Variants in HELZ observed in about 807,000 individuals in gnomAD.
The protein encoded by HELZ is helicase with zinc finger.
In HELZ, 23 loss-of-function variants were observed where a neutral mutation model predicts 218.2. The ratio of observed to expected loss-of-function variants is 0.11; its 90% CI spans 0.08 to 0.15. The LOEUF (loss-of-function observed/expected upper bound fraction) is 0.15, where lower values mean the gene tolerates loss of function less well. Among genes scored for constraint, HELZ ranks in the 10% least tolerant of loss-of-function variants. The probability of loss-of-function intolerance (pLI) is 1.00; values close to 1 mark genes in which losing one functional copy is unlikely to be tolerated. For synonymous variants in HELZ, 814 were observed against 829.4 expected (o/e 0.98, Z 0.32); for missense variants, 1,813 against 2,353.7 (o/e 0.77, Z 4.75).
chr17:67,214,720 G>A (rs533242268), intron 5 of HELZ, among the ~76,000 whole-genome samples: 3 of 151,932 alleles, frequency 2.0e-5, no homozygotes, highest in East Asian at 1.9e-4. Flanking sequence ...TCCACCAAAC[G>A]TGTGTGAGAA....
chr17:67,216,264 C>T (rs1041944484), intron 4 of HELZ, among the ~76,000 whole-genome samples: 5 of 152,176 alleles, frequency 3.3e-5, no homozygotes, highest in Non-Finnish European at 7.3e-5. Context: ...GTCACCACCA[C>T]GTCTCCCCAC....
chr17:67,161,023 A>G lies in HELZ; in HGVS notation c.1949T>C (p.Val650Ala). The G allele has an allele frequency of 1.2e-6, 2 of 1,613,402 alleles. No homozygotes were observed. Reference protein sequence around the residue: ...PRLNAKQKEAVLAITTPLAIQ... With the variant: ...PRLNAKQKEAALAITTPLAIQ... ...TGCAAGTGGAGTGGTAATGGCCAGA[A>G]CAGCCTCTTTCTGTTTTGCATTTAG... Residue 650 changes from valine to alanine, a missense_variant, in exon 16 of 33, where the codon GTT becomes GCT. Coordinates refer to ENST00000358691, the MANE Select transcript of HELZ (RefSeq NM_014877.4).
rs914421394 is a variant in HELZ, at chr17:67,189,761, A to G, written c.757-65T>C. The G allele has an allele frequency of 5.8e-6, 6 of 1,042,248 alleles. No homozygotes were observed. The African/African-American group carries it at 6.3e-5, about 11-fold the overall frequency. 64.6% of individuals were successfully genotyped at this position (1,042,248 alleles called of 1,614,324 possible). ...AAGGGCACAAACAAAATCTTTTAGC[A>G]TGGAAAATAAATGTCAACAGTTAAG... is the stretch of plus-strand genomic sequence containing the variant. On this transcript the variant is annotated intron_variant, in intron 10 of 32. Coordinates refer to ENST00000358691, the MANE Select transcript of HELZ (RefSeq NM_014877.4).
intron 2 of HELZ, among the ~76,000 whole-genome samples, chr17:67,241,641 T>A (rs575240379): frequency 1.3e-5 from 2 of 152,228 alleles, no homozygotes; most frequent in African/African-American, 4.8e-5. Flanking sequence ...TTTAAGACAA[T>A]GCATTTTAAT....
chr17:67,232,876 G>A (rs941453109), intron 3 of HELZ, among the ~76,000 whole-genome samples: 2 of 152,206 alleles, frequency 1.3e-5, no homozygotes, highest in African/African-American at 4.8e-5. Flanking sequence ...GCTCACGCCT[G>A]TAATCCCAGC....
chr17:67,187,936 T>C (rs1019004969), intron 12 of HELZ, among the ~76,000 whole-genome samples: 4 of 152,154 alleles, frequency 2.6e-5, no homozygotes, highest in African/African-American at 9.7e-5. Context: ...AACTAGTCAA[T>C]AGGACATGAA....
intron 15 of HELZ, among the ~76,000 whole-genome samples, chr17:67,164,631 A>G (rs1415953773): frequency 6.6e-6 from 1 of 150,530 alleles, no homozygotes. Flanking sequence ...CTTTTTAAAA[A>G]GAATAACATA....
intron 26 of HELZ, among the ~76,000 whole-genome samples, chr17:67,122,495 A>T (rs1027228493): frequency 1.3e-5 from 2 of 151,992 alleles, no homozygotes; most frequent in Admixed American, 6.6e-5. Context: ...GCAGTGAGCC[A>T]AGATCACGCC....
At chr17:67,194,843 T>C (rs996721277) in intron 8 of HELZ, among the ~76,000 whole-genome samples, 13 of 152,232 alleles carry the variant, frequency 8.5e-5, no homozygotes, top group Non-Finnish European at 1.9e-4. Flanking sequence ...ATCTCTATAC[T>C]AGCTGTGTGA....
At chr17:67,194,492 T>C (rs1329249128) in intron 8 of HELZ, among the ~76,000 whole-genome samples, 1 of 152,238 alleles carries the variant, frequency 6.6e-6, no homozygotes, top group Non-Finnish European at 1.5e-5. Flanking sequence ...TATCACATTA[T>C]CACCCATGTT....
chr17:67,155,673 C>T lies in HELZ; in HGVS notation c.2178-4449G>A, dbSNP rs541685529. 3.9e-5 allele frequency among the ~76,000 whole-genome samples: 6 copies of T among 152,182 alleles called. No individual in the cohort carries two copies. In the South Asian group the frequency reaches 1.2e-3, roughly 32 times the overall value. ...CCAACATGGCAAAACCCTGTCTCTA[C>T]TAAAAACACAAAAGTTAACTGGGCG... On this transcript the variant is annotated intron_variant, in intron 17 of 32. Coordinates refer to ENST00000358691, the MANE Select transcript of HELZ (RefSeq NM_014877.4).
At position 67,166,803 on chromosome 17, in the gene HELZ, A is replaced by G. The variant is rs147351474; in HGVS notation, c.1765-195T>C. ...TTTATAACCAGGCACTGTAACAAGT[A>G]CTTTACTATGGATTATCTCATTTAA... On this transcript the variant is annotated intron_variant, in intron 14 of 32. Coordinates refer to ENST00000358691, the MANE Select transcript of HELZ (RefSeq NM_014877.4). Among the ~76,000 whole-genome samples the G allele has an allele frequency of 4.1e-4, 62 of 152,290 alleles. 3 individuals carry two copies. In the East Asian group the frequency reaches 0.012, roughly 29 times the overall value.
chr17:67,089,941 C>G (rs1411915854), intron 31 of HELZ, among the ~76,000 whole-genome samples: 1 of 151,932 alleles, frequency 6.6e-6, no homozygotes, highest in Admixed American at 6.6e-5. Context: ...GCTAAGACTT[C>G]CAGCACAGTG....
chr17:67,099,274 G>A (rs901188312), intron 31 of HELZ, among the ~76,000 whole-genome samples: 21 of 151,694 alleles, frequency 1.4e-4, no homozygotes, highest in African/African-American at 3.9e-4. Flanking sequence ...CTTTATTTTC[G>A]GATGGCAACC....
At chr17:67,160,851 G>C in intron 16 of HELZ, 46 bp downstream of exon 16, 1 of 1,377,812 alleles carries the variant, frequency 7.3e-7, no homozygotes, top group South Asian at 1.4e-5. Context: ...AAGAACAGAG[G>C]TAGTATCCTA....
chr17:67,215,349 CTTTT>C (rs773776900), intron 5 of HELZ, among the ~76,000 whole-genome samples: 3 of 136,610 alleles, frequency 2.2e-5, no homozygotes, highest in African/African-American at 8.1e-5. Context: ...GCTATTCAAA[CTTTT>C]TTTTTTTTTT....
intron 15 of HELZ, among the ~76,000 whole-genome samples, chr17:67,164,927 T>C (rs1228236405): frequency 1.3e-5 from 2 of 152,108 alleles, no homozygotes; most frequent in Non-Finnish European, 2.9e-5. Context: ...ATATTTGTGA[T>C]GAGCCAGAAA....
intron 5 of HELZ, among the ~76,000 whole-genome samples, chr17:67,206,894 G>A (rs1023816316): frequency 2.1e-5 from 3 of 141,724 alleles, no homozygotes; most frequent in South Asian, 2.3e-4. Flanking sequence ...CCACTATGCC[G>A]GGTTTTTTTG....
chr17:67,075,527 C>T lies in HELZ; in HGVS notation c.*2725G>A, dbSNP rs991013691. The T allele has an allele frequency of 6.6e-6, 1 of 152,174 alleles. No individual in the cohort carries two copies. Among genetic ancestry groups the T allele is most frequent in the African/African-American group, 2.4e-5 (1 of 41,456 alleles). The allele number at this position is 152,174 out of a possible 1,614,324, so 9.4% of individuals were successfully genotyped here. ...TCTGATTTATGGGTACTTGCTACTA[C>T]TACTCAAGTAATACCCAAAGAACAT... On this transcript the variant is annotated 3_prime_UTR_variant, in exon 33 of 33. Transcript: ENST00000358691.
Sources: gnomAD v4.1 joint callset for allele counts (sites outside exome capture counted in the v4.1 genomes callset) on GRCh38, gnomAD v4.1.1 for gene constraint, MANE v1.5 for transcripts, NCBI Gene and HGNC (gene_info 2026-07-23, HGNC 2026-07-21) for gene names.